The following RNF167 variants were observed in gnomAD, a reference collection of about 807,000 sequenced individuals.
RNF167 encodes ring finger protein 167, also known as E3 ubiquitin-protein ligase RNF167.
Under a neutral mutation model 34.8 loss-of-function variants are expected in RNF167, and 19 were observed. That is an observed-to-expected ratio of 0.55 (90% CI 0.38 to 0.80). The LOEUF is 0.80. RNF167 is among the 30% of genes least tolerant of loss of function. The pLI is 0.00. For synonymous variants in RNF167, 200 were observed against 170.4 expected, an observed-to-expected ratio of 1.17 and a Z score of -1.35; for missense variants, 464 against 447.0, an observed-to-expected ratio of 1.04 and a Z score of -0.34.
At chr17:4,942,750 A>G (rs11871232) in intron 5 of RNF167, 86 bp downstream of exon 5, 74,383 of 1,584,232 alleles carry the variant, frequency 0.047, 1,989 homozygotes, top group Non-Finnish European at 0.052. Flanking sequence ...AAAGAAGCCA[A>G]TCCTTTAGGT....
At chr17:4,943,343 TGGA>T (rs1220625631) in intron 7 of RNF167, 59 bp downstream of exon 7, 1 of 1,592,866 alleles carries the variant, frequency 6.3e-7, no homozygotes, top group Non-Finnish European at 8.6e-7. Context: ...AGACTGGATC[TGGA>T]GTTGGGAGAT....
Position 4,945,031 on chromosome 17 carries a change from T to TA in RNF167, c.*16dup. 6.6e-7 allele frequency: 1 copy of TA among 1,521,822 alleles called. No individual in the cohort carries two copies. 94.3% of individuals were successfully genotyped at this position (1,521,822 alleles called of 1,614,324 possible). A position where few individuals can be genotyped will look rare whatever the true frequency, so the allele number is the denominator to read the frequency against. Reference sequence around the variant, plus strand: ...TCCTGGTCTAATAACCCCCCACACATACACCTCTGGTGACCTATTTGCACA... The same window carrying TA: ...TCCTGGTCTAATAACCCCCCACACATAACACCTCTGGTGACCTATTTGCACA... On this transcript the variant is annotated 3_prime_UTR_variant, in exon 10 of 10. Transcript: ENST00000262482.
At position 4,941,145 on chromosome 17, in the gene RNF167, G is replaced by A; in HGVS notation, c.153G>A (p.Gln51=). 1 of 1,614,038 alleles carries A rather than the reference G, an allele frequency of 6.2e-7. No homozygotes were observed. Among genetic ancestry groups the A allele is most frequent in the Non-Finnish European group, 8.5e-7 (1 of 1,179,864 alleles). ...LPALFGATLS[Q]EGLQGFLVEA... ...CTCTGTTTGGGGCTACCTTGAGCCAGGAGGGCCTCCAGGTGATTTTCTTTC... is the reference window on the plus strand; with the variant it reads ...CTCTGTTTGGGGCTACCTTGAGCCAAGAGGGCCTCCAGGTGATTTTCTTTC... Residue 51 remains glutamine (Q), a synonymous_variant, in exon 3 of 10, where the codon CAG becomes CAA. Coordinates refer to ENST00000262482, the MANE Select transcript of RNF167 (RefSeq NM_015528.3).
At chr17:4,941,535 T>G (rs1363774015) in intron 3 of RNF167, among the ~76,000 whole-genome samples, 1 of 152,130 alleles carries the variant, frequency 6.6e-6, no homozygotes, top group Admixed American at 6.5e-5. Flanking sequence ...ATATTAGAAG[T>G]TTTCCTAGGG....
intron 8 of RNF167, 30 bp downstream of exon 8, chr17:4,943,549 T>C: frequency 6.4e-7 from 1 of 1,552,194 alleles, no homozygotes; most frequent in Non-Finnish European, 8.9e-7. Context: ...AGAGGGCTTT[T>C]CCCACAGTTT....
At chr17:4,944,664 C>A in intron 9 of RNF167, 26 bp downstream of exon 9, 2 of 1,614,024 alleles carry the variant, frequency 1.2e-6, no homozygotes, top group Non-Finnish European at 1.7e-6. Flanking sequence ...CCTGCCCATG[C>A]CCCTCTGCCA....
chr17:4,942,397 C>T lies in RNF167; in HGVS notation c.222C>T (p.Pro74=), dbSNP rs1304335093. ...DNACSPIAPP[P]PAPVNGSVFI... The stretch of plus-strand genomic sequence containing the variant: ...CCTGCAGCCCCATTGCCCCACCACC[C>T]CCAGCCCCGGTCAATGGGTCAGTCT... The change falls in exon 4 of 10, where the codon CCC becomes CCT. Residue 74 remains proline (P), a synonymous_variant. Coordinates refer to ENST00000262482, the MANE Select transcript of RNF167 (RefSeq NM_015528.3). 6.2e-7 allele frequency: 1 copy of T among 1,614,100 alleles called. No individual in the cohort carries two copies. The highest frequency in any genetic ancestry group is 2.2e-5 in the East Asian group (1 of 44,868).
intron 8 of RNF167, chr17:4,944,246 C>T (rs375582450): frequency 5.1e-5 from 14 of 274,076 alleles, no homozygotes; most frequent in African/African-American, 2.9e-4. Context: ...GGGGCTGGGG[C>T]TTTAGGCCCT....
intron 5 of RNF167, 34 bp from the exon 6 acceptor site, chr17:4,942,817 G>A (rs1430125299): frequency 6.2e-7 from 1 of 1,601,544 alleles, no homozygotes; most frequent in African/African-American, 1.4e-5. Flanking sequence ...GTAGAAGGTT[G>A]TGAGTCCCCA....
Position 4,940,825 on chromosome 17 carries a change from G to A in RNF167, c.-85G>A. The stretch of plus-strand genomic sequence containing the variant: ...GTGGTTGGACCCCTGGGATCCTAAA[G>A]GAGGGGCAGGGAGGGCGCAGAACTC... On this transcript the variant is annotated 5_prime_UTR_variant, in exon 2 of 10. Coordinates refer to ENST00000262482, the MANE Select transcript of RNF167 (RefSeq NM_015528.3). 1 of 1,289,950 alleles carries A rather than the reference G, an allele frequency of 7.8e-7. No homozygotes were observed. Among genetic ancestry groups the A allele is most frequent in the Non-Finnish European group, 1.1e-6 (1 of 944,712 alleles). 79.9% of individuals were successfully genotyped at this position (1,289,950 alleles called of 1,614,324 possible). A position where few individuals can be genotyped will look rare whatever the true frequency, so the allele number is the denominator to read the frequency against.
intron 8 of RNF167, 160 bp from the exon 9 acceptor site, chr17:4,944,398 C>A: frequency 7.2e-7 from 1 of 1,380,220 alleles, no homozygotes. Flanking sequence ...CCTTCTAGCC[C>A]TAAATTCTTC....
At chr17:4,942,789 G>C (rs1030877107) in intron 5 of RNF167, 62 bp from the exon 6 acceptor site, 29 of 1,591,052 alleles carry the variant, frequency 1.8e-5, no homozygotes, top group Non-Finnish European at 2.5e-5. Context: ...AAGATGCCAG[G>C]GTTCCCAGAG....
chr17:4,940,123 C>A (rs1432558571), upstream of RNF167: 1 of 428,632 alleles, frequency 2.3e-6, no homozygotes. Context: ...TGGAAGCGTG[C>A]GAGAAGGGGC....
At position 4,940,809 on chromosome 17, in the gene RNF167, C is replaced by T. The variant is rs1597655685; in HGVS notation, c.-101C>T. On this transcript the variant is annotated 5_prime_UTR_variant, in exon 2 of 10. Coordinates refer to ENST00000262482, the MANE Select transcript of RNF167 (RefSeq NM_015528.3). Reference sequence around the variant, plus strand: ...GAAGTGGGACCTGGGGGTGGTTGGACCCCTGGGATCCTAAAGGAGGGGCAG... The same window carrying T: ...GAAGTGGGACCTGGGGGTGGTTGGATCCCTGGGATCCTAAAGGAGGGGCAG... The T allele has an allele frequency of 9.0e-7, 1 of 1,108,636 alleles. No individual in the cohort carries two copies. Among genetic ancestry groups the T allele is most frequent in the Non-Finnish European group, 1.3e-6 (1 of 793,956 alleles). 68.7% of individuals were successfully genotyped at this position (1,108,636 alleles called of 1,614,324 possible). A position where few individuals can be genotyped will look rare whatever the true frequency, so the allele number is the denominator to read the frequency against.
In RNF167 at chr17:4,943,290, T is replaced by C. The variant is rs781313949; in HGVS notation, c.576+6T>C. ...TGGCCATGGGAGCAGTAATGGTGAG[T>C]AGCTGAGGGAACATGATGGGAAGCA... On this transcript the variant is annotated splice_donor_region_variant and intron_variant, in intron 7 of 9. Transcript: ENST00000262482. The C allele has an allele frequency of 6.2e-7, 1 of 1,611,942 alleles. No homozygotes were observed. The highest frequency in any genetic ancestry group is 1.7e-5 in the Admixed American group (1 of 59,944).
At position 4,941,132 on chromosome 17, in the gene RNF167, C is replaced by G. The variant is rs761431506; in HGVS notation, c.140C>G (p.Ala47Gly). The change falls in exon 3 of 10, where the codon GCT becomes GGT. Residue 47 changes from alanine to glycine, a missense_variant. Ala to Gly is a moderately conservative substitution (Grantham distance 60). Coordinates refer to ENST00000262482, the MANE Select transcript of RNF167 (RefSeq NM_015528.3). ...GCAGACCTTCCAGCTCTGTTTGGGG[C>G]TACCTTGAGCCAGGAGGGCCTCCAG... ...DFADLPALFG[A>G]TLSQEGLQGF... 8 of 1,614,190 alleles carry G rather than the reference C, an allele frequency of 5.0e-6. No homozygotes were observed. In the East Asian group the frequency reaches 1.6e-4, roughly 31 times the overall value.
intron 6 of RNF167, 26 bp from the exon 7 acceptor site, chr17:4,943,153 G>A: frequency 6.2e-7 from 1 of 1,602,014 alleles, no homozygotes; most frequent in South Asian, 1.1e-5. Context: ...TTCTCGCCCT[G>A]CTGAGACTGG....
intron 3 of RNF167, among the ~76,000 whole-genome samples, chr17:4,941,513 CT>C (rs1279440501): frequency 1.3e-5 from 2 of 152,170 alleles, no homozygotes; most frequent in Non-Finnish European, 2.9e-5. Context: ...GTTTGTTTTA[CT>C]GTAAAATGGG....
Position 4,945,129 on chromosome 17 carries a change from T to A in RNF167, c.*113T>A. On this transcript the variant is annotated 3_prime_UTR_variant, in exon 10 of 10. Coordinates refer to ENST00000262482, the MANE Select transcript of RNF167 (RefSeq NM_015528.3). ...CCCAAGCTTCTCCCTTACCCACACC[T>A]ATCCTTTTGAGGGGCTTTGGGGTGG... 4.1e-6 allele frequency: 4 copies of A among 976,882 alleles called. No homozygotes were observed. The highest frequency in any genetic ancestry group is 5.9e-6 in the Non-Finnish European group (4 of 680,970). 60.5% of individuals were successfully genotyped at this position (976,882 alleles called of 1,614,324 possible).
Sources: allele counts gnomAD v4.1 joint callset (sites outside exome capture counted in the v4.1 genomes callset), GRCh38; gene constraint gnomAD v4.1.1; transcripts MANE v1.5; gene names NCBI Gene and HGNC (gene_info 2026-07-23, HGNC 2026-07-21).